VOPP1: variants seen among roughly 807,000 people sequenced by gnomAD.
VOPP1 encodes the protein VOPP1 WW domain binding protein, also known as WW domain binding protein VOPP1.
In VOPP1, 8 loss-of-function variants were observed where a neutral mutation model predicts 23.5. That is an observed-to-expected ratio of 0.34 (90% CI 0.20 to 0.61). The LOEUF (loss-of-function observed/expected upper bound fraction) is 0.61, where lower values mean the gene tolerates loss of function less well. Among genes scored for constraint, VOPP1 ranks in the 20% least tolerant of loss-of-function variants. The pLI is 0.78. For missense variants in VOPP1, 174 were observed against 238.1 expected, an observed-to-expected ratio of 0.73 and a Z score of 1.77; for synonymous variants, 83 against 97.3, an observed-to-expected ratio of 0.85 and a Z score of 0.86.
chr7:55,489,804 G>A (rs1478032394), intron 4 of VOPP1, among the ~76,000 whole-genome samples: 1 of 152,154 alleles, frequency 6.6e-6, no homozygotes, highest in Non-Finnish European at 1.5e-5. Context: ...TGGTGCCTGA[G>A]ACCATGAGTC....
intron 2 of VOPP1, among the ~76,000 whole-genome samples, chr7:55,511,899 T>C (rs1795095475): frequency 6.6e-6 from 1 of 152,186 alleles, no homozygotes; most frequent in Admixed American, 6.5e-5. Context: ...TCAACCTTAG[T>C]AAAATAAACT....
chr7:55,519,049 G>A (rs533620282), intron 2 of VOPP1, among the ~76,000 whole-genome samples: 3 of 152,286 alleles, frequency 2.0e-5, no homozygotes, highest in East Asian at 3.9e-4. Context: ...CATGAGATCC[G>A]AAGACCTTAA....
intron 4 of VOPP1, among the ~76,000 whole-genome samples, chr7:55,476,312 T>C (rs539489221): frequency 6.6e-6 from 1 of 152,036 alleles, no homozygotes; most frequent in East Asian, 1.9e-4. Flanking sequence ...TAACTGACAA[T>C]CACCCCTTCT....
At chr7:55,540,333 T>C (rs1431261512) in intron 1 of VOPP1, among the ~76,000 whole-genome samples, 1 of 151,582 alleles carries the variant, frequency 6.6e-6, no homozygotes, top group Non-Finnish European at 1.5e-5. Flanking sequence ...TGGAGATGGA[T>C]GTTGCAGTGA....
chr7:55,460,901 A>G (rs929871486), intron 4 of VOPP1, among the ~76,000 whole-genome samples: 6 of 152,186 alleles, frequency 3.9e-5, no homozygotes, highest in African/African-American at 1.4e-4. Flanking sequence ...TGATGGCACC[A>G]TATAGTTGGG....
chr7:55,550,122 A>G (rs148984201), intron 1 of VOPP1, among the ~76,000 whole-genome samples: 1,673 of 152,360 alleles, frequency 0.011, 11 homozygotes, highest in Middle Eastern at 0.02. Context: ...GCGCCTGGGA[A>G]AAGGAACAGC....
intron 1 of VOPP1, among the ~76,000 whole-genome samples, chr7:55,536,134 T>C (rs1000309326): frequency 6.6e-6 from 1 of 152,192 alleles, no homozygotes; most frequent in Admixed American, 6.5e-5. Flanking sequence ...CGCTCACATA[T>C]CCACTTCCTT....
At chr7:55,469,461 A>G (rs1229992288), downstream of VOPP1, among the ~76,000 whole-genome samples, 1 of 152,154 alleles carries the variant, frequency 6.6e-6, no homozygotes, top group African/African-American at 2.4e-5. Context: ...AAAGGTGAAA[A>G]CAGATGCAAA....
chr7:55,475,233 C>T (rs944210133), intron 4 of VOPP1, among the ~76,000 whole-genome samples: 1 of 152,152 alleles, frequency 6.6e-6, no homozygotes, highest in African/African-American at 2.4e-5. Flanking sequence ...GGGTAATGGC[C>T]TCTGGTAAAG....
At chr7:55,460,671 T>G (rs1001622914) in intron 4 of VOPP1, among the ~76,000 whole-genome samples, 2 of 152,244 alleles carry the variant, frequency 1.3e-5, no homozygotes, top group Non-Finnish European at 2.9e-5. Flanking sequence ...ACAATTACTT[T>G]TGTACCAATC....
At chr7:55,442,410 G>A (rs976196600) in intron 4 of VOPP1, among the ~76,000 whole-genome samples, 4 of 152,154 alleles carry the variant, frequency 2.6e-5, no homozygotes, top group South Asian at 2.1e-4. Flanking sequence ...GCCAGAAGAC[G>A]TGCTAAAGTC....
intron 2 of VOPP1, among the ~76,000 whole-genome samples, chr7:55,504,278 C>T (rs942859678): frequency 2.6e-5 from 4 of 152,174 alleles, no homozygotes; most frequent in Admixed American, 1.3e-4. Context: ...GAGCTGAGCC[C>T]GCAGCACATA....
intron 1 of VOPP1, among the ~76,000 whole-genome samples, chr7:55,558,943 A>G (rs1007595646): frequency 6.6e-6 from 1 of 152,240 alleles, no homozygotes; most frequent in Non-Finnish European, 1.5e-5. Flanking sequence ...GTTAGCGACA[A>G]GATAGCCTCA....
At chr7:55,545,844 G>A (rs952373892) in intron 1 of VOPP1, among the ~76,000 whole-genome samples, 5 of 152,184 alleles carry the variant, frequency 3.3e-5, no homozygotes, top group Middle Eastern at 3.4e-3. Flanking sequence ...TGAGGTAGGC[G>A]GATCCCTTGA....
chr7:55,556,709 G>A (rs1396297779), intron 1 of VOPP1, among the ~76,000 whole-genome samples: 2 of 150,698 alleles, frequency 1.3e-5, no homozygotes, highest in Non-Finnish European at 3.0e-5. Flanking sequence ...TACAATTTAT[G>A]TTTCTCAGAT....
chr7:55,487,717 T>C (rs538145517), intron 4 of VOPP1, among the ~76,000 whole-genome samples: 3 of 152,386 alleles, frequency 2.0e-5, no homozygotes, highest in Non-Finnish European at 2.9e-5. Context: ...GTCTTGATCT[T>C]GACTATGAAC....
chr7:55,531,128 A>C (rs1796473378), intron 1 of VOPP1, among the ~76,000 whole-genome samples: 1 of 152,262 alleles, frequency 6.6e-6, no homozygotes, highest in African/African-American at 2.4e-5. Flanking sequence ...TTCATGTGAC[A>C]AATTTTCCAA....
intron 3 of VOPP1, among the ~76,000 whole-genome samples, chr7:55,496,579 C>T (rs905449667): frequency 1.3e-5 from 2 of 152,216 alleles, no homozygotes; most frequent in African/African-American, 4.8e-5. Flanking sequence ...GCTGTAAGGT[C>T]AGGTGAGGCC....
intron 4 of VOPP1, among the ~76,000 whole-genome samples, chr7:55,449,195 C>T (rs1260322036): frequency 6.6e-6 from 1 of 152,226 alleles, no homozygotes; most frequent in Non-Finnish European, 1.5e-5. Flanking sequence ...CGGAGCGCCG[C>T]GGGTCCCCTG....
Sources: allele counts gnomAD v4.1 joint callset (sites outside exome capture counted in the v4.1 genomes callset), GRCh38; gene constraint gnomAD v4.1.1; transcripts MANE v1.5; gene names NCBI Gene and HGNC (gene_info 2026-07-23, HGNC 2026-07-21).